DDHD1: variants seen among roughly 807,000 people sequenced by gnomAD.
DDHD1 encodes the protein DDHD domain containing 1.
In DDHD1, 49 loss-of-function variants were observed where a neutral mutation model predicts 96.4. That is an observed-to-expected ratio of 0.51 (90% CI 0.40 to 0.64). The LOEUF (loss-of-function observed/expected upper bound fraction) is 0.64. Ranked by LOEUF, DDHD1 falls within the 30% of genes least tolerant of loss-of-function variation. The pLI, the probability that DDHD1 is intolerant of heterozygous loss-of-function variation, is 0.00. For synonymous variants in DDHD1, 442 were observed against 446.5 expected (o/e 0.99, Z 0.13); for missense variants, 1,106 against 1,161.2 (o/e 0.95, Z 0.69).
intron 4 of DDHD1, among the ~76,000 whole-genome samples, chr14:53,074,977 A>T (rs1005898246): frequency 3.3e-5 from 5 of 152,118 alleles, no homozygotes; most frequent in Non-Finnish European, 4.4e-5. Context: ...AGATGAGCTT[A>T]ATCGATAAAT....
chr14:53,058,444 T>C (rs748030607), intron 9 of DDHD1, 33 bp downstream of exon 9: 19 of 1,576,116 alleles, frequency 1.2e-5, no homozygotes, highest in East Asian at 6.8e-5. Flanking sequence ...CAATTTGACA[T>C]TGAGAAAAAA....
chr14:53,068,874 G>A (rs1157974050), intron 6 of DDHD1, among the ~76,000 whole-genome samples: 1 of 152,124 alleles, frequency 6.6e-6, no homozygotes, highest in Non-Finnish European at 1.5e-5. Context: ...GATGATTTGT[G>A]TCCAGTCTTC....
intron 2 of DDHD1, among the ~76,000 whole-genome samples, chr14:53,102,338 T>G (rs754734736): frequency 1.8e-4 from 28 of 152,034 alleles, no homozygotes; most frequent in Admixed American, 3.9e-4. Context: ...GAAACATACC[T>G]AGAGCTCTTA....
chr14:53,096,451 A>G (rs1886891039), intron 2 of DDHD1, among the ~76,000 whole-genome samples: 1 of 152,078 alleles, frequency 6.6e-6, no homozygotes, highest in Non-Finnish European at 1.5e-5. Context: ...TTTATTAAAA[A>G]CAACTGATTA....
intron 4 of DDHD1, among the ~76,000 whole-genome samples, chr14:53,079,578 CT>C (rs1447728392): frequency 6.6e-6 from 1 of 152,098 alleles, no homozygotes; most frequent in East Asian, 1.9e-4. Flanking sequence ...CCTTACAATC[CT>C]TTTTATTTCT....
chr14:53,116,900 T>C (rs7146922), intron 1 of DDHD1, among the ~76,000 whole-genome samples: 151,456 of 152,282 alleles, frequency 0.99, 75,331 homozygotes, highest in Middle Eastern at 1. Flanking sequence ...ACAAAAAACC[T>C]TTCAAAAAAT....
chr14:53,051,697 G>A, intron 12 of DDHD1, 147 bp downstream of exon 12: 1 of 620,680 alleles, frequency 1.6e-6, no homozygotes, highest in Non-Finnish European at 2.6e-6. Context: ...GAAAATATGG[G>A]ATGAAAATAC....
chr14:53,144,189 C>G (rs2139896136), intron 1 of DDHD1, among the ~76,000 whole-genome samples: 1 of 152,302 alleles, frequency 6.6e-6, no homozygotes, highest in East Asian at 1.9e-4. Context: ...CTATATCCAA[C>G]CAGATATTCT....
At chr14:53,142,569 G>C (rs1165352419) in intron 1 of DDHD1, among the ~76,000 whole-genome samples, 1 of 152,174 alleles carries the variant, frequency 6.6e-6, no homozygotes, top group African/African-American at 2.4e-5. Flanking sequence ...CTGGTAGCTG[G>C]GAGAGTCGTC....
At chr14:53,063,488 A>T (rs1883769488) in intron 6 of DDHD1, among the ~76,000 whole-genome samples, 1 of 152,040 alleles carries the variant, frequency 6.6e-6, no homozygotes, top group African/African-American at 2.4e-5. Flanking sequence ...TAGATTAAAA[A>T]AAAAAAAAAC....
At chr14:53,077,681 TAA>T (rs199780906) in intron 4 of DDHD1, among the ~76,000 whole-genome samples, 53 of 149,740 alleles carry the variant, frequency 3.5e-4, no homozygotes, top group African/African-American at 1.2e-3. Flanking sequence ...TTTTTTTTTT[TAA>T]AAAACAATTG....
Position 53,046,719 on chromosome 14 carries a change from C to CG in DDHD1, c.*48dup. The CG allele has an allele frequency of 7.9e-7, 1 of 1,273,140 alleles. No homozygotes were observed. The highest frequency in any genetic ancestry group is 1.8e-5 in the South Asian group (1 of 56,602). 78.9% of individuals were successfully genotyped at this position (1,273,140 alleles called of 1,614,324 possible). On this transcript the variant is annotated 3_prime_UTR_variant, in exon 13 of 13. Transcript: ENST00000673822. ...CCGTATCTTGACACACACATTTTAA[C>CG]GGAAAAAAAAAAAATCAGTTTTAGG...
intron 2 of DDHD1, chr14:53,093,727 T>C (rs1886637891): frequency 1.3e-5 from 4 of 318,364 alleles, no homozygotes; most frequent in Admixed American, 5.4e-5. Context: ...ACAGCTTCTA[T>C]GTGTTTTGAT....
intron 12 of DDHD1, 149 bp downstream of exon 12, chr14:53,051,695 G>T: frequency 1.6e-6 from 1 of 612,238 alleles, no homozygotes; most frequent in Non-Finnish European, 2.7e-6. Flanking sequence ...TAGAAAATAT[G>T]GGATGAAAAT....
Position 53,046,735 on chromosome 14 carries a change from C to T in DDHD1, c.*33G>A. 1 of 1,394,384 alleles carries T rather than the reference C, an allele frequency of 7.2e-7. No homozygotes were observed. Among genetic ancestry groups the T allele is most frequent in the Non-Finnish European group, 9.5e-7 (1 of 1,053,936 alleles). 86.4% of individuals were successfully genotyped at this position (1,394,384 alleles called of 1,614,324 possible). On this transcript the variant is annotated 3_prime_UTR_variant, in exon 13 of 13. Coordinates refer to ENST00000673822, the MANE Select transcript of DDHD1 (RefSeq NM_001160148.2). ...ACATTTTAACGGAAAAAAAAAAAAT[C>T]AGTTTTAGGCCATTCATGTCCTTCA... is the stretch of plus-strand genomic sequence containing the variant.
In DDHD1 at chr14:53,076,689, C is replaced by G. The variant is rs140481476; in HGVS notation, c.1290-2842G>C. On this transcript the variant is annotated intron_variant, in intron 4 of 12. Transcript: ENST00000673822. ...AAGAATCAATCGATGTGGCTAACTT[C>G]ACTGTTGTCTTATTTTAAGAAATTG... Among the ~76,000 whole-genome samples, 250 of 152,234 alleles carry G rather than the reference C, an allele frequency of 1.6e-3. 1 individual carries two copies. The highest frequency in any genetic ancestry group is 5.5e-3 in the African/African-American group (227 of 41,542).
chr14:53,143,231 A>C (rs937697828), intron 1 of DDHD1, among the ~76,000 whole-genome samples: 1 of 152,184 alleles, frequency 6.6e-6, no homozygotes, highest in East Asian at 1.9e-4. Flanking sequence ...AACACTAAAC[A>C]ATGTTGCCTC....
At chr14:53,107,657 G>A (rs1887790891) in intron 1 of DDHD1, among the ~76,000 whole-genome samples, 1 of 152,148 alleles carries the variant, frequency 6.6e-6, no homozygotes, top group Non-Finnish European at 1.5e-5. Flanking sequence ...CAGGCATGGT[G>A]GTACACACCT....
At chr14:53,122,080 A>C (rs912242430) in intron 1 of DDHD1, among the ~76,000 whole-genome samples, 3 of 152,160 alleles carry the variant, frequency 2.0e-5, no homozygotes, top group African/African-American at 7.2e-5. Flanking sequence ...CCAGTAGATG[A>C]CACTTGAAGG....
Sources: gnomAD v4.1 joint callset for allele counts (sites outside exome capture counted in the v4.1 genomes callset) on GRCh38, gnomAD v4.1.1 for gene constraint, MANE v1.5 for transcripts, NCBI Gene and HGNC (gene_info 2026-07-23, HGNC 2026-07-21) for gene names.